FHIT: variants seen among roughly 807,000 people sequenced by gnomAD.
The protein encoded by FHIT is fragile histidine triad diadenosine triphosphatase, also known as bis(5'-adenosyl)-triphosphatase.
In FHIT, 19 loss-of-function variants were observed where a neutral mutation model predicts 17.9. The observed-to-expected ratio is 1.06, with a 90% confidence interval of 0.74 to 1.56. The LOEUF is 1.56. Among genes scored for constraint, FHIT ranks in the 40% most tolerant of loss-of-function variants. FHIT has a pLI of 0.00. For synonymous variants in FHIT, 81 were observed against 69.7 expected, an observed-to-expected ratio of 1.16 and a Z score of -0.81; for missense variants, 248 against 189.2, an observed-to-expected ratio of 1.31 and a Z score of -1.82.
At chr3:60,877,574 T>G (rs1162789855) in intron 3 of FHIT, among the ~76,000 whole-genome samples, 3 of 152,086 alleles carry the variant, frequency 2.0e-5, no homozygotes, top group African/African-American at 7.2e-5. Flanking sequence ...GTATCCCAGG[T>G]AAATGGTGCC....
chr3:60,235,618 A>G (rs77027938), intron 5 of FHIT, among the ~76,000 whole-genome samples: 1,733 of 152,242 alleles, frequency 0.011, 25 homozygotes, highest in African/African-American at 0.033. Flanking sequence ...CTTAACCTCA[A>G]TGTGAACATA....
chr3:61,150,132 C>A (rs1013733044), intron 2 of FHIT, among the ~76,000 whole-genome samples: 1 of 152,050 alleles, frequency 6.6e-6, no homozygotes, highest in Admixed American at 6.6e-5. Context: ...ATAAATGAGT[C>A]CAACTTTCCT....
At chr3:61,165,272 C>T (rs1433731572) in intron 2 of FHIT, among the ~76,000 whole-genome samples, 2 of 152,146 alleles carry the variant, frequency 1.3e-5, no homozygotes, top group Admixed American at 1.3e-4. Context: ...TTATAAGCAT[C>T]CTTTTTCCCC....
intron 2 of FHIT, among the ~76,000 whole-genome samples, chr3:61,042,330 G>A (rs1488370530): frequency 2.0e-5 from 3 of 152,192 alleles, no homozygotes; most frequent in Non-Finnish European, 4.4e-5. Context: ...GGGACATCTT[G>A]TAGGGCAGTA....
chr3:59,973,892 CT>C (rs1280868667), intron 7 of FHIT, among the ~76,000 whole-genome samples: 1 of 151,790 alleles, frequency 6.6e-6, no homozygotes, highest in African/African-American at 2.4e-5. Context: ...CCTATTTCTT[CT>C]TGTGGTACTA....
intron 5 of FHIT, among the ~76,000 whole-genome samples, chr3:60,266,284 G>C (rs1447822814): frequency 6.6e-6 from 1 of 152,022 alleles, no homozygotes; most frequent in Non-Finnish European, 1.5e-5. Context: ...CTAGCTGAAA[G>C]AAGCCAGTCA....
intron 3 of FHIT, among the ~76,000 whole-genome samples, chr3:60,890,796 C>G (rs1490729706): frequency 6.6e-6 from 1 of 152,196 alleles, no homozygotes; most frequent in Non-Finnish European, 1.5e-5. Flanking sequence ...TTCATGACTA[C>G]ATAACATGGA....
chr3:60,910,363 G>A (rs186836068), intron 3 of FHIT, among the ~76,000 whole-genome samples: 3 of 151,288 alleles, frequency 2.0e-5, no homozygotes, highest in Non-Finnish European at 2.9e-5. Flanking sequence ...GAGCAGAGGC[G>A]AATTTATCCT....
chr3:60,590,892 A>G (rs1300083647), intron 4 of FHIT, among the ~76,000 whole-genome samples: 1 of 152,090 alleles, frequency 6.6e-6, no homozygotes, highest in African/African-American at 2.4e-5. Flanking sequence ...CCTTGAGGGA[A>G]TCAGGGAAGG....
At chr3:59,888,449 G>A (rs1703717701) in intron 8 of FHIT, among the ~76,000 whole-genome samples, 1 of 152,184 alleles carries the variant, frequency 6.6e-6, no homozygotes, top group Admixed American at 6.5e-5. Flanking sequence ...AAGCAATGAT[G>A]CAAGTGAACT....
intron 5 of FHIT, among the ~76,000 whole-genome samples, chr3:60,131,010 T>TATATATACAC (rs759777622): frequency 0.041 from 4,310 of 103,922 alleles, 11 homozygotes; most frequent in Non-Finnish European, 0.061. Flanking sequence ...TACATATGTG[T>TATATATACAC]ATATATACAC....
chr3:60,652,781 G>T (rs1424435077), intron 4 of FHIT, among the ~76,000 whole-genome samples: 1 of 150,960 alleles, frequency 6.6e-6, no homozygotes, highest in African/African-American at 2.4e-5. Context: ...ATGGTGGCAG[G>T]TGCCTGTAAT....
At chr3:61,130,841 G>A (rs1273751545) in intron 2 of FHIT, among the ~76,000 whole-genome samples, 1 of 152,202 alleles carries the variant, frequency 6.6e-6, no homozygotes. Flanking sequence ...AGAGGATTCT[G>A]TCTTTGAGAA....
intron 5 of FHIT, among the ~76,000 whole-genome samples, chr3:60,423,549 A>C (rs1372653061): frequency 2.0e-5 from 3 of 152,322 alleles, no homozygotes; most frequent in Admixed American, 2.0e-4. Flanking sequence ...TTTAAAGAAC[A>C]GCCTAAACTA....
intron 5 of FHIT, among the ~76,000 whole-genome samples, chr3:60,320,179 T>C (rs1231170509): frequency 3.3e-5 from 5 of 152,236 alleles, no homozygotes; most frequent in African/African-American, 9.6e-5. Context: ...ACGTTGTTTA[T>C]GTATAAAAAC....
chr3:60,578,729 T>C (rs1382777069), intron 4 of FHIT, among the ~76,000 whole-genome samples: 1 of 152,108 alleles, frequency 6.6e-6, no homozygotes, highest in Non-Finnish European at 1.5e-5. Context: ...CTGATCCTAA[T>C]GTTAATATTC....
In FHIT at chr3:59,830,926, A is replaced by C. The variant is rs547318991; in HGVS notation, c.349-78605T>G. ...CGAACAGTATGACTGCTTTTGTCTG[A>C]CTGTACCAATGAAGCAGGATGGGGT... On this transcript the variant is annotated intron_variant, in intron 8 of 9. Transcript: ENST00000492590. Among the ~76,000 whole-genome samples, 106 of 152,280 alleles carry C rather than the reference A, an allele frequency of 7.0e-4. No individual in the cohort carries two copies. The South Asian group carries it at 7.7e-3, about 11-fold the overall frequency.
In FHIT at chr3:59,966,963, A is replaced by G. The variant is rs147616989; in HGVS notation, c.279+44408T>C. Among the ~76,000 whole-genome samples the G allele has an allele frequency of 2.7e-3, 416 of 152,320 alleles. 2 individuals carry two copies. Among genetic ancestry groups the G allele is most frequent in the African/African-American group, 9.6e-3 (398 of 41,576 alleles). ...TAATAACATGTAGCTTAAAACACAAATACACTGTACAGGTATACAAAAATA... is the reference window on the plus strand; with the variant it reads ...TAATAACATGTAGCTTAAAACACAAGTACACTGTACAGGTATACAAAAATA... On this transcript the variant is annotated intron_variant, in intron 7 of 9. Transcript: ENST00000492590.
intron 5 of FHIT, among the ~76,000 whole-genome samples, chr3:60,193,888 T>C (rs868708839): frequency 6.6e-6 from 1 of 152,134 alleles, no homozygotes; most frequent in Non-Finnish European, 1.5e-5. Flanking sequence ...AGGTGTTTGA[T>C]ATGGGTGTTA....
Sources: gnomAD v4.1 joint callset for allele counts (sites outside exome capture counted in the v4.1 genomes callset) on GRCh38, gnomAD v4.1.1 for gene constraint, MANE v1.5 for transcripts, NCBI Gene and HGNC (gene_info 2026-07-23, HGNC 2026-07-21) for gene names.